The following SOX5 variants were observed in gnomAD, a reference collection of about 807,000 sequenced individuals.
SOX5 encodes transcription factor SOX-5.
SOX5 carries 9 observed loss-of-function variants against 92.0 expected under a neutral mutation model. The observed-to-expected ratio is 0.10, with a 90% CI of 0.06 to 0.17. The LOEUF is 0.17. Among genes scored for constraint, SOX5 ranks in the 10% least tolerant of loss-of-function variants. The probability of loss-of-function intolerance (pLI) is 1.00; values close to 1 mark genes in which losing one functional copy is unlikely to be tolerated. For synonymous variants in SOX5, 344 were observed against 336.3 expected (o/e 1.02, Z -0.25); for missense variants, 642 against 944.5 (o/e 0.68, Z 4.20).
In SOX5 at chr12:23,678,605, C is replaced by T. The variant is rs551878345; in HGVS notation, c.811-13041G>A. On this transcript the variant is annotated intron_variant, in intron 6 of 14. Coordinates refer to ENST00000451604, the MANE Select transcript of SOX5 (RefSeq NM_006940.6). ...TGATGGGCAGTTGTTAATGTTAATA[C>T]CTATTCTGTTTCCCTCAGCTTCTTT... is the stretch of plus-strand genomic sequence containing the variant. Among the ~76,000 whole-genome samples, 443 of 152,218 alleles carry T rather than the reference C, an allele frequency of 2.9e-3. 1 individual carries two copies. The highest frequency in any genetic ancestry group is 0.01 in the African/African-American group (419 of 41,558).
chr12:24,035,846 A>G lies in SOX5; in HGVS notation c.-1-139822T>C, dbSNP rs73273776. Among the ~76,000 whole-genome samples, 940 of 152,132 alleles carry G rather than the reference A, an allele frequency of 6.2e-3. 10 individuals are homozygous for G. Among genetic ancestry groups the G allele is most frequent in the African/African-American group, 0.021 (862 of 41,520 alleles). On this transcript the variant is annotated intron_variant, in intron 4 of 4. Coordinates refer to the SOX5 transcript ENST00000446891. ...ACAGTACCAAAATCTCAGGCTAGAG[A>G]AAGTTTTACCCTGAGCTGGCCAGGG... is the stretch of plus-strand genomic sequence containing the variant.
At chr12:24,024,312 TAA>T (rs1248861696) in intron 4 of SOX5, among the ~76,000 whole-genome samples, 1 of 152,050 alleles carries the variant, frequency 6.6e-6, no homozygotes, top group Non-Finnish European at 1.5e-5. Context: ...TGATTTCTTG[TAA>T]AGTGTATTTC....
At chr12:23,632,016 A>G (rs911242507) in intron 8 of SOX5, 1 of 152,142 alleles carries the variant, frequency 6.6e-6, no homozygotes, top group Non-Finnish European at 1.5e-5. Flanking sequence ...TGGAAAAGTC[A>G]GAGAAAATGT....
chr12:23,768,537 G>T (rs574129878), intron 3 of SOX5, among the ~76,000 whole-genome samples: 2 of 152,250 alleles, frequency 1.3e-5, no homozygotes, highest in South Asian at 4.1e-4. Flanking sequence ...CAAAGGAGAT[G>T]ATTTAAATGA....
At chr12:23,551,465 T>C (rs985427624) in intron 11 of SOX5, among the ~76,000 whole-genome samples, 1 of 151,820 alleles carries the variant, frequency 6.6e-6, no homozygotes, top group African/African-American at 2.4e-5. Context: ...GGGTTTCTTG[T>C]AAGTTATGTA....
At chr12:23,819,432 A>AT (rs574535159) in intron 3 of SOX5, among the ~76,000 whole-genome samples, 3 of 151,990 alleles carry the variant, frequency 2.0e-5, no homozygotes, top group Admixed American at 6.5e-5. Flanking sequence ...CTGCAAATTT[A>AT]TTTTTTTTAT....
intron 1 of SOX5, among the ~76,000 whole-genome samples, chr12:24,538,118 G>A (rs1324013000): frequency 2.0e-5 from 3 of 152,182 alleles, no homozygotes; most frequent in African/African-American, 7.2e-5. Flanking sequence ...TGCAGTCGCT[G>A]CCCTGAGCTC....
chr12:24,220,230 A>G (rs764458150), intron 3 of SOX5, among the ~76,000 whole-genome samples: 15 of 152,132 alleles, frequency 9.9e-5, no homozygotes, highest in Admixed American at 4.6e-4. Flanking sequence ...ATTATCATCA[A>G]GTAGATATAG....
intron 1 of SOX5, among the ~76,000 whole-genome samples, chr12:24,547,148 C>G (rs1237288632): frequency 6.7e-6 from 1 of 149,920 alleles, no homozygotes; most frequent in Non-Finnish European, 1.5e-5. Context: ...ATAAGAGAGC[C>G]AAATAGTGAG....
chr12:24,175,027 G>T (rs1430566407), intron 4 of SOX5, among the ~76,000 whole-genome samples: 1 of 152,182 alleles, frequency 6.6e-6, no homozygotes, highest in Non-Finnish European at 1.5e-5. Flanking sequence ...TCCCTTCACA[G>T]GGCCTTACCT....
intron 3 of SOX5, among the ~76,000 whole-genome samples, chr12:24,264,094 A>G (rs1038770049): frequency 2.1e-4 from 32 of 152,348 alleles, no homozygotes; most frequent in African/African-American, 7.2e-4. Context: ...TTAAATAACA[A>G]TACTCTTAAA....
At chr12:23,668,185 C>A (rs777203227) in intron 6 of SOX5, among the ~76,000 whole-genome samples, 2 of 152,066 alleles carry the variant, frequency 1.3e-5, no homozygotes, top group African/African-American at 2.4e-5. Context: ...CTGTTGGCTG[C>A]GAATTCAATG....
At chr12:23,653,265 T>G (rs762217889) in intron 7 of SOX5, among the ~76,000 whole-genome samples, 1 of 152,040 alleles carries the variant, frequency 6.6e-6, no homozygotes, top group Non-Finnish European at 1.5e-5. Context: ...TCCACCCTAT[T>G]TTATCTCTTG....
At chr12:24,552,838 C>T (rs915874308) in intron 1 of SOX5, among the ~76,000 whole-genome samples, 2 of 152,126 alleles carry the variant, frequency 1.3e-5, no homozygotes, top group African/African-American at 4.8e-5. Context: ...CACCTCTACA[C>T]AAAATTTAAA....
intron 3 of SOX5, among the ~76,000 whole-genome samples, chr12:23,807,155 G>C (rs183269381): frequency 9.2e-5 from 14 of 152,172 alleles, no homozygotes; most frequent in Non-Finnish European, 1.3e-4. Context: ...AACTCATACC[G>C]TGATTAGATT....
At chr12:23,702,896 A>G (rs970857994) in intron 6 of SOX5, among the ~76,000 whole-genome samples, 1 of 152,044 alleles carries the variant, frequency 6.6e-6, no homozygotes, top group African/African-American at 2.4e-5. Flanking sequence ...AATGAGTGCA[A>G]GCTTATAGAA....
chr12:24,436,001 A>C (rs76363881), intron 1 of SOX5, among the ~76,000 whole-genome samples: 1 of 152,202 alleles, frequency 6.6e-6, no homozygotes, highest in African/African-American at 2.4e-5. Context: ...CCCGTATAAG[A>C]AGGCAAACTT....
intron 1 of SOX5, among the ~76,000 whole-genome samples, chr12:24,380,408 T>C (rs1478194252): frequency 6.6e-6 from 1 of 152,242 alleles, no homozygotes; most frequent in Non-Finnish European, 1.5e-5. Context: ...TTCATAAGCC[T>C]GCTCCCTTGA....
chr12:24,452,730 G>A (rs1046448932), intron 1 of SOX5, among the ~76,000 whole-genome samples: 1 of 152,092 alleles, frequency 6.6e-6, no homozygotes, highest in Non-Finnish European at 1.5e-5. Flanking sequence ...AAGAATCCAA[G>A]GATAAAGGAA....
Sources: gnomAD v4.1 joint callset for allele counts (sites outside exome capture counted in the v4.1 genomes callset) on GRCh38, gnomAD v4.1.1 for gene constraint, MANE v1.5 for transcripts, NCBI Gene and HGNC (gene_info 2026-07-23, HGNC 2026-07-21) for gene names.